Variants in NUTM2A observed in about 807,000 individuals in gnomAD.
NUTM2A encodes family with sequence similarity 22, member A.
A neutral mutation model predicts 24.4 loss-of-function variants in NUTM2A; 3 were observed. That is an observed-to-expected ratio of 0.12 (90% CI 0.06 to 0.32). The LOEUF (loss-of-function observed/expected upper bound fraction) is 0.32. NUTM2A is among the 10% of genes least tolerant of loss of function. The probability of loss-of-function intolerance (pLI) is 1.00; values close to 1 mark genes in which losing one functional copy is unlikely to be tolerated. For missense variants in NUTM2A, 39 were observed against 631.1 expected (o/e 0.06, Z 10.05); for synonymous variants, 11 against 278.4 (o/e 0.04, Z 9.56).
chr10:87,234,664 C>T lies in NUTM2A; in HGVS notation c.2593C>T (p.Pro865Ser). Reference protein sequence around the residue: ...PSQSQKRKGDPLVSRKEKKQR... With the variant: ...PSQSQKRKGDSLVSRKEKKQR... ...ACAGTCTCAAAAGAGAAAGGGTGAC[C>T]CCTTGGTCTCCAGGAAGGAGAAGAA... The change falls in exon 7 of 7, where the codon CCC becomes TCC. Residue 865 changes from proline (P) to serine (S), a missense_variant. Pro to Ser is a moderately conservative substitution (Grantham distance 74). Coordinates refer to ENST00000381707, the MANE Select transcript of NUTM2A (RefSeq NM_001099338.2). The T allele has an allele frequency of 7.2e-7, 1 of 1,394,336 alleles. No individual in the cohort carries two copies. Among genetic ancestry groups the T allele is most frequent in the African/African-American group, 1.6e-5 (1 of 63,252 alleles). 86.4% of individuals were successfully genotyped at this position (1,394,336 alleles called of 1,614,324 possible).
At chr10:87,229,112 TTAA>T (rs1849352134) in intron 2 of NUTM2A, 150 bp downstream of exon 2, 1 of 1,495,104 alleles carries the variant, frequency 6.7e-7, no homozygotes, top group African/African-American at 1.4e-5. Flanking sequence ...TTTGACCATA[TTAA>T]TCTGGCTGCG....
At chr10:87,229,485 G>A (rs1487214825) in intron 2 of NUTM2A, among the ~76,000 whole-genome samples, 1 of 152,234 alleles carries the variant, frequency 6.6e-6, no homozygotes, top group Non-Finnish European at 1.5e-5. Context: ...CCGATGCCGA[G>A]CAGGTATTTG....
intron 2 of NUTM2A, among the ~76,000 whole-genome samples, chr10:87,229,506 C>T (rs1203405997): frequency 6.6e-6 from 1 of 152,242 alleles, no homozygotes; most frequent in African/African-American, 2.4e-5. Flanking sequence ...CATCTTCACC[C>T]TCAATCCCTC....
chr10:87,229,570 A>G (rs1849360142), intron 2 of NUTM2A, among the ~76,000 whole-genome samples: 1 of 152,242 alleles, frequency 6.6e-6, no homozygotes, highest in Admixed American at 6.5e-5. Flanking sequence ...AGATAACTTG[A>G]GCTCACATAT....
At chr10:87,229,052 C>G in intron 2 of NUTM2A, 90 bp downstream of exon 2, 2 of 1,178,572 alleles carry the variant, frequency 1.7e-6, no homozygotes, top group African/African-American at 1.5e-5. Flanking sequence ...TTCAGGGGAG[C>G]TTGCAGGGCG....
chr10:87,228,014 G>A (rs1849328776), intron 1 of NUTM2A, among the ~76,000 whole-genome samples: 1 of 19,444 alleles, frequency 5.1e-5, no homozygotes, highest in Admixed American at 4.4e-4. Flanking sequence ...GGAGACCCTC[G>A]GGCAGCGAAG....
Position 87,232,751 on chromosome 10 carries a change from CCAGAGACCAG to C in NUTM2A, c.1510_1519del (p.Ala504ArgfsTer41). The C allele has an allele frequency of 1.5e-5, 12 of 823,586 alleles. No homozygotes were observed. Among genetic ancestry groups the C allele is most frequent in the Admixed American group, 2.1e-5 (1 of 47,318 alleles). The allele number at this position is 823,586 out of a possible 1,614,324, so 51.0% of individuals were successfully genotyped here. A position where few individuals can be genotyped will look rare whatever the true frequency, so the allele number is the denominator to read the frequency against. ...AGGCCCGCCTGCCACCACCCAGGCC[CCAGAGACCAG>C]CAGAGACCAAGGTCCCTGAGGAGAT... On this transcript the variant is annotated frameshift_variant, in exon 5 of 7. Coordinates refer to ENST00000381707, the MANE Select transcript of NUTM2A (RefSeq NM_001099338.2). LOFTEE classifies it high-confidence loss of function.
Position 87,232,647 on chromosome 10 carries a change from CT to C in NUTM2A, c.1397del (p.Leu466ArgfsTer10), listed in dbSNP as rs1564627097. The C allele has an allele frequency of 3.3e-6, 2 of 608,904 alleles. No homozygotes were observed. The highest frequency in any genetic ancestry group is 3.9e-5 in the South Asian group (2 of 51,792). 37.7% of individuals were successfully genotyped at this position (608,904 alleles called of 1,614,324 possible). ...CGGCCCCAAGGCCCCGACTGCCTGC[CT>C]GCCACCACCCAGGCCCCAGAGGCCA... ...KAGPKAPTAC[L>X]PPPRPQRPVT... On this transcript the variant is annotated frameshift_variant, in exon 5 of 7. Coordinates refer to ENST00000381707, the MANE Select transcript of NUTM2A (RefSeq NM_001099338.2). LOFTEE classifies it high-confidence loss of function.
At chr10:87,229,582 A>T (rs1232738530) in intron 2 of NUTM2A, among the ~76,000 whole-genome samples, 1 of 152,228 alleles carries the variant, frequency 6.6e-6, no homozygotes, top group Non-Finnish European at 1.5e-5. Flanking sequence ...CTCACATATG[A>T]CATGCATAGC....
At position 87,234,472 on chromosome 10, in the gene NUTM2A, C is replaced by A; in HGVS notation, c.2401C>A (p.Pro801Thr). The A allele has an allele frequency of 6.2e-7, 1 of 1,604,384 alleles. No individual in the cohort carries two copies. Among genetic ancestry groups the A allele is most frequent in the Non-Finnish European group, 8.5e-7 (1 of 1,174,278 alleles). Residue 801 changes from proline (P) to threonine (T), a missense_variant, in exon 7 of 7, where the codon CCA becomes ACA. Coordinates refer to ENST00000381707, the MANE Select transcript of NUTM2A (RefSeq NM_001099338.2). ...KWGPQGTHQF[P>T]SAERRGLNLA... is the part of the protein sequence containing the mutation. ...GGGACCCCAGGGAACTCATCAGTTC[C>A]CATCTGCTGAGAGAAGAGGCCTCAA...
In NUTM2A at chr10:87,232,903, AG is replaced by A; in HGVS notation, c.1654del (p.Glu552LysfsTer12). ...QREEGEVKQPQEEDWTPPDPG... is the reference protein window; with the variant it reads ...QREEGEVKQPXEEDWTPPDPG... ...GAAGAGGGCGAAGTGAAGCAGCCAC[AG>A]GAAGAGGACTGGACGCCCCCAGACC... On this transcript the variant is annotated frameshift_variant, in exon 5 of 7. Coordinates refer to ENST00000381707, the MANE Select transcript of NUTM2A (RefSeq NM_001099338.2). LOFTEE classifies it high-confidence loss of function. 1 of 1,404,678 alleles carries A rather than the reference AG, an allele frequency of 7.1e-7. No individual in the cohort carries two copies. The highest frequency in any genetic ancestry group is 1.2e-5 in the South Asian group (1 of 84,626). 87.0% of individuals were successfully genotyped at this position (1,404,678 alleles called of 1,614,324 possible). A position where few individuals can be genotyped will look rare whatever the true frequency, so the allele number is the denominator to read the frequency against.
chr10:87,233,282 GTGTCTC>G (rs1369297935), intron 5 of NUTM2A, among the ~76,000 whole-genome samples, 185 bp from the exon 6 acceptor site: 5 of 27,586 alleles, frequency 1.8e-4, no homozygotes, highest in African/African-American at 5.4e-4. Flanking sequence ...TGTGGTTTGT[GTGTCTC>G]TGTCTGTGTG....
In NUTM2A at chr10:87,232,701, C is replaced by G. The variant is rs1564627145; in HGVS notation, c.1450C>G (p.Arg484Gly). ...PVTKARRPPP[R>G]PHRRAETKAR... ...GACCAAGGCCCGCCGGCCACCACCC[C>G]GGCCCCACCGGCGAGCAGAGACCAA... is the stretch of plus-strand genomic sequence containing the variant. Residue 484 changes from arginine to glycine, a missense_variant, in exon 5 of 7, where the codon CGG (arginine) becomes GGG (glycine). Coordinates refer to ENST00000381707, the MANE Select transcript of NUTM2A (RefSeq NM_001099338.2). The G allele has an allele frequency of 1.5e-6, 1 of 645,574 alleles. No homozygotes were observed. Among genetic ancestry groups the G allele is most frequent in the Non-Finnish European group, 2.8e-6 (1 of 353,984 alleles). 40.0% of individuals were successfully genotyped at this position (645,574 alleles called of 1,614,324 possible).
chr10:87,229,486 C>A (rs1326299689), intron 2 of NUTM2A, among the ~76,000 whole-genome samples: 5 of 152,230 alleles, frequency 3.3e-5, no homozygotes, highest in Non-Finnish European at 5.9e-5. Context: ...CGATGCCGAG[C>A]AGGTATTTGC....
At chr10:87,229,589 T>A (rs868443816) in intron 2 of NUTM2A, among the ~76,000 whole-genome samples, 1,390 of 151,830 alleles carry the variant, frequency 9.2e-3, no homozygotes, top group African/African-American at 0.032. Context: ...ATGACATGCA[T>A]AGCACAGTGC....
At chr10:87,229,229 G>A (rs1849354180) in intron 2 of NUTM2A, among the ~76,000 whole-genome samples, 1 of 152,166 alleles carries the variant, frequency 6.6e-6, no homozygotes, top group African/African-American at 2.4e-5. Context: ...GTTTACAGAA[G>A]ACCCAGGTCA....
rs570462795 is a variant in NUTM2A at position 87,233,103 on chromosome 10, G to C, written c.1734+118G>C. The C allele has an allele frequency of 1.8e-4, 186 of 1,006,524 alleles. 33 individuals are homozygous for C. Among genetic ancestry groups the C allele is most frequent in the Admixed American group, 5.0e-4 (17 of 34,068 alleles). The allele number at this position is 1,006,524 out of a possible 1,614,324, so 62.3% of individuals were successfully genotyped here. A position where few individuals can be genotyped will look rare whatever the true frequency, so the allele number is the denominator to read the frequency against. ...AGTGTGTGTATTTCCATGGATTTGA[G>C]TATCTGTGTATGTGATTGTGTGTGT... On this transcript the variant is annotated intron_variant, in intron 5 of 6. Transcript: ENST00000381707.
chr10:87,229,715 A>G (rs2134871283), intron 2 of NUTM2A, among the ~76,000 whole-genome samples: 1 of 151,782 alleles, frequency 6.6e-6, no homozygotes, highest in Admixed American at 6.6e-5. Context: ...GGCTCCAGTG[A>G]TAGCTCTGAG....
chr10:87,229,359 G>GA (rs1296178018), intron 2 of NUTM2A, among the ~76,000 whole-genome samples: 3 of 152,208 alleles, frequency 2.0e-5, no homozygotes, highest in Non-Finnish European at 4.4e-5. Flanking sequence ...GGGCCGGGGG[G>GA]AGGAGCTGCA....
Sources: gnomAD v4.1 joint callset for allele counts (sites outside exome capture counted in the v4.1 genomes callset) on GRCh38, gnomAD v4.1.1 for gene constraint, MANE v1.5 for transcripts, NCBI Gene and HGNC (gene_info 2026-07-23, HGNC 2026-07-21) for gene names.